The following SNX7 variants were observed in gnomAD, a reference collection of about 807,000 sequenced individuals.
The protein encoded by SNX7 is sorting nexin-7.
SNX7 carries 35 observed loss-of-function variants against 48.4 expected under a neutral mutation model. That is an observed-to-expected ratio of 0.72 (90% confidence interval 0.55 to 0.96). The LOEUF is 0.96. Ranked by LOEUF, SNX7 falls within the 40% of genes least tolerant of loss-of-function variation. The pLI is 0.00. For missense variants in SNX7, 553 were observed against 548.9 expected (o/e 1.01, Z -0.07); for synonymous variants, 190 against 190.2 (o/e 1.00, Z 0.01).
chr1:98,750,856 T>C (rs1654546321), intron 8 of SNX7, among the ~76,000 whole-genome samples: 1 of 152,096 alleles, frequency 6.6e-6, no homozygotes, highest in South Asian at 2.1e-4. Flanking sequence ...TACCAAATGC[T>C]AGGAGGAGAA....
intron 6 of SNX7, among the ~76,000 whole-genome samples, chr1:98,700,473 T>C (rs566575411): frequency 1.1e-4 from 16 of 152,208 alleles, no homozygotes; most frequent in African/African-American, 3.9e-4. Context: ...GAGGTAAATA[T>C]AAAGGAATTT....
At chr1:98,747,884 A>G (rs1654381250) in intron 8 of SNX7, among the ~76,000 whole-genome samples, 1 of 152,052 alleles carries the variant, frequency 6.6e-6, no homozygotes, top group South Asian at 2.1e-4. Context: ...TTAAATTTTC[A>G]AAATCCATAG....
intron 1 of SNX7, 67 bp downstream of exon 1, chr1:98,661,978 C>T: frequency 8.1e-7 from 1 of 1,237,644 alleles, no homozygotes; most frequent in Middle Eastern, 3.0e-4. Flanking sequence ...AGCATTGCGC[C>T]GACGGCTGCC....
At chr1:98,714,355 C>A (rs1029196552) in intron 7 of SNX7, among the ~76,000 whole-genome samples, 1 of 152,028 alleles carries the variant, frequency 6.6e-6, no homozygotes, top group Non-Finnish European at 1.5e-5. Context: ...TTTTTGTGGA[C>A]GGGAAAATTG....
At chr1:98,752,940 T>C (rs1654658618) in intron 8 of SNX7, among the ~76,000 whole-genome samples, 1 of 152,040 alleles carries the variant, frequency 6.6e-6, no homozygotes, top group Non-Finnish European at 1.5e-5. Flanking sequence ...AGGCATCTCA[T>C]TCTCTTGGCC....
chr1:98,695,215 C>G (rs1004840539), intron 4 of SNX7, among the ~76,000 whole-genome samples: 3 of 152,156 alleles, frequency 2.0e-5, no homozygotes, highest in Admixed American at 2.0e-4. Context: ...CTTATCTCCT[C>G]TAGTATCTCA....
intron 8 of SNX7, among the ~76,000 whole-genome samples, chr1:98,758,207 A>G (rs1654945219): frequency 6.6e-6 from 1 of 152,100 alleles, no homozygotes. Flanking sequence ...ATTATAAATT[A>G]CAGTCCAAAA....
chr1:98,710,304 G>A (rs1037201136), intron 7 of SNX7, among the ~76,000 whole-genome samples: 16 of 152,166 alleles, frequency 1.1e-4, no homozygotes, highest in African/African-American at 3.9e-4. Flanking sequence ...TAAGGCCTGT[G>A]TAGGTTTGTG....
intron 4 of SNX7, among the ~76,000 whole-genome samples, chr1:98,692,640 C>T (rs1163541870): frequency 2.0e-5 from 3 of 152,074 alleles, no homozygotes; most frequent in African/African-American, 4.8e-5. Context: ...AGATGATCAG[C>T]GTCACATGGC....
intron 8 of SNX7, among the ~76,000 whole-genome samples, chr1:98,753,764 A>G (rs1455914529): frequency 2.0e-5 from 3 of 152,026 alleles, no homozygotes; most frequent in Non-Finnish European, 4.4e-5. Flanking sequence ...CTCTAAATGT[A>G]AAGTGTGGTG....
chr1:98,749,789 T>C (rs1328958167), intron 8 of SNX7, among the ~76,000 whole-genome samples: 1 of 152,104 alleles, frequency 6.6e-6, no homozygotes, highest in Non-Finnish European at 1.5e-5. Flanking sequence ...CTAATAATTT[T>C]TATAGATGAT....
intron 1 of SNX7, among the ~76,000 whole-genome samples, chr1:98,679,418 C>T (rs1419519795): frequency 6.6e-6 from 1 of 152,064 alleles, no homozygotes; most frequent in Admixed American, 6.5e-5. Flanking sequence ...CCTGGCGCCT[C>T]CCAAATCTCA....
intron 1 of SNX7, among the ~76,000 whole-genome samples, chr1:98,672,918 G>A (rs9699822): frequency 0.41 from 48,567 of 117,954 alleles, 9,413 homozygotes; most frequent in East Asian, 0.61. Flanking sequence ...GCGACAGAGC[G>A]AGACTCCGTC....
chr1:98,695,408 T>C (rs973892976), intron 4 of SNX7, 110 bp from the exon 5 acceptor site: 7 of 1,036,330 alleles, frequency 6.8e-6, no homozygotes, highest in Non-Finnish European at 9.9e-6. Flanking sequence ...GATTGATGCC[T>C]ATGAAACCAT....
chr1:98,754,693 A>G (rs1016544385), intron 8 of SNX7, among the ~76,000 whole-genome samples: 3 of 151,928 alleles, frequency 2.0e-5, no homozygotes, highest in Non-Finnish European at 4.4e-5. Flanking sequence ...AATTTATGTC[A>G]TCTCTTTTTT....
intron 1 of SNX7, among the ~76,000 whole-genome samples, chr1:98,667,531 C>T (rs1356643700): frequency 6.6e-6 from 1 of 151,958 alleles, no homozygotes; most frequent in Non-Finnish European, 1.5e-5. Context: ...TGCACACTGC[C>T]ACACCCAGCA....
chr1:98,736,876 C>A (rs1351791613), intron 7 of SNX7, among the ~76,000 whole-genome samples: 1 of 152,094 alleles, frequency 6.6e-6, no homozygotes, highest in Non-Finnish European at 1.5e-5. Context: ...TAAAAGATGG[C>A]CTCTCACAAA....
At chr1:98,727,895 C>G (rs1653272980) in intron 7 of SNX7, among the ~76,000 whole-genome samples, 3 of 151,424 alleles carry the variant, frequency 2.0e-5, no homozygotes, top group Admixed American at 2.0e-4. Context: ...TATAAAAAGA[C>G]TAAACCTATG....
At chr1:98,696,324 A>G (rs545469650) in intron 5 of SNX7, among the ~76,000 whole-genome samples, 1 of 152,262 alleles carries the variant, frequency 6.6e-6, no homozygotes, top group Non-Finnish European at 1.5e-5. Context: ...ATTTGTTATT[A>G]GAGATGAGGA....
Sources: allele counts gnomAD v4.1 joint callset (sites outside exome capture counted in the v4.1 genomes callset), GRCh38; gene constraint gnomAD v4.1.1; transcripts MANE v1.5; gene names NCBI Gene and HGNC (gene_info 2026-07-23, HGNC 2026-07-21).